Variants in DLG1 observed in about 807,000 individuals in gnomAD.
DLG1 encodes discs large MAGUK scaffold protein 1, also known as disks large homolog 1.
In DLG1, 42 loss-of-function variants were observed where a neutral mutation model predicts 123.4. The ratio of observed to expected loss-of-function variants is 0.34; its 90% confidence interval spans 0.27 to 0.44. The LOEUF (loss-of-function observed/expected upper bound fraction) is 0.44, where lower values mean the gene tolerates loss of function less well. Ranked by LOEUF, DLG1 falls within the 20% of genes least tolerant of loss-of-function variation. The pLI, the probability that DLG1 is intolerant of heterozygous loss-of-function variation, is 1.00. For missense variants in DLG1, 942 were observed against 1,082.6 expected (o/e 0.87, Z 1.82); for synonymous variants, 317 against 356.2 (o/e 0.89, Z 1.24).
At chr3:197,190,861 T>C (rs1172776771) in intron 5 of DLG1, among the ~76,000 whole-genome samples, 3 of 152,042 alleles carry the variant, frequency 2.0e-5, no homozygotes, top group Non-Finnish European at 4.4e-5. Flanking sequence ...ATACAAAATA[T>C]TAGCCAGGCG....
rs189767790 is a variant in DLG1, at chr3:197,271,561, C to T, written c.318+11118G>A. 4.9e-3 allele frequency among the ~76,000 whole-genome samples: 751 copies of T among 152,234 alleles called. 13 individuals carry two copies. The highest frequency in any genetic ancestry group is 3.4e-3 in the Middle Eastern group (1 of 294). On this transcript the variant is annotated intron_variant, in intron 4 of 24. Transcript: ENST00000667157. ...AAAACAGACACCTAACAATCAAATG[C>T]ATAAATGGCATGTGTACTGACACCT...
chr3:197,057,845 C>T (rs554793176), intron 23 of DLG1, among the ~76,000 whole-genome samples: 158 of 152,210 alleles, frequency 1.0e-3, no homozygotes, highest in African/African-American at 3.6e-3. Flanking sequence ...TTGATCACTC[C>T]TAATGGTTTA....
chr3:197,183,182 A>G (rs1037536941), intron 5 of DLG1, among the ~76,000 whole-genome samples: 2 of 152,204 alleles, frequency 1.3e-5, no homozygotes, highest in African/African-American at 4.8e-5. Context: ...TTACTGTAAC[A>G]GTCTCCCTAA....
chr3:197,049,883 C>G (rs930135549), intron 24 of DLG1, among the ~76,000 whole-genome samples: 2 of 151,902 alleles, frequency 1.3e-5, no homozygotes, highest in Non-Finnish European at 2.9e-5. Context: ...GGCAACATAG[C>G]GAGACCCTGT....
chr3:197,098,284 G>C (rs1210361177), intron 14 of DLG1, among the ~76,000 whole-genome samples: 6 of 152,158 alleles, frequency 3.9e-5, no homozygotes, highest in Non-Finnish European at 8.8e-5. Flanking sequence ...CTGATTAATA[G>C]AAGTCCTAGT....
At chr3:197,183,847 T>C in intron 5 of DLG1, 1 of 1,537,858 alleles carries the variant, frequency 6.5e-7, no homozygotes, top group Non-Finnish European at 8.8e-7. Context: ...CAGGCTTACT[T>C]CTCTACCAGC....
chr3:197,186,212 A>G (rs1715881145), intron 5 of DLG1, among the ~76,000 whole-genome samples: 1 of 152,236 alleles, frequency 6.6e-6, no homozygotes, highest in African/African-American at 2.4e-5. Flanking sequence ...GGGGTTTCAC[A>G]TGAGATTAGA....
intron 1 of DLG1, chr3:197,297,689 T>C: frequency 1.0e-6 from 1 of 989,478 alleles, no homozygotes; most frequent in Non-Finnish European, 1.2e-6. Context: ...CCTTGCTCGC[T>C]GCCTCCGGGC....
chr3:197,088,218 G>C (rs976781099), intron 15 of DLG1, among the ~76,000 whole-genome samples: 3 of 151,922 alleles, frequency 2.0e-5, no homozygotes, highest in South Asian at 4.2e-4. Flanking sequence ...GATATTTAAA[G>C]AATGCCTTAT....
intron 23 of DLG1, among the ~76,000 whole-genome samples, chr3:197,056,019 A>C (rs546403816): frequency 7.9e-5 from 12 of 152,338 alleles, no homozygotes; most frequent in Non-Finnish European, 1.6e-4. Flanking sequence ...ACATGGCTAC[A>C]TGCTATGGGA....
At chr3:197,084,316 G>GTT (rs71623334) in intron 16 of DLG1, among the ~76,000 whole-genome samples, 1 of 143,038 alleles carries the variant, frequency 7.0e-6, no homozygotes, top group Non-Finnish European at 1.5e-5. Context: ...ACTTTTTGTT[G>GTT]TTTTTTTTTT....
At chr3:197,115,893 T>A (rs767330777) in intron 13 of DLG1, 34 bp downstream of exon 13, 2 of 1,598,832 alleles carry the variant, frequency 1.3e-6, no homozygotes, top group South Asian at 2.3e-5. Context: ...CCAGTGAAAA[T>A]AACAAAAACG....
chr3:197,283,493 T>A (rs937977869), intron 3 of DLG1, among the ~76,000 whole-genome samples: 1 of 152,190 alleles, frequency 6.6e-6, no homozygotes, highest in Non-Finnish European at 1.5e-5. Context: ...ATGACAAAAC[T>A]CTAAAATAAA....
intron 4 of DLG1, among the ~76,000 whole-genome samples, chr3:197,265,845 C>G (rs1424411395): frequency 1.3e-5 from 2 of 152,124 alleles, no homozygotes; most frequent in Non-Finnish European, 2.9e-5. Context: ...AGGTCAGGAA[C>G]TCAAGACCAG....
At chr3:197,085,436 C>T (rs1046239796) in intron 16 of DLG1, 144 bp downstream of exon 16, 16 of 773,972 alleles carry the variant, frequency 2.1e-5, no homozygotes, top group East Asian at 2.5e-5. Flanking sequence ...TGTGATCATA[C>T]GATTTTTGTC....
intron 14 of DLG1, among the ~76,000 whole-genome samples, chr3:197,097,379 G>C (rs1370903459): frequency 6.6e-6 from 1 of 152,114 alleles, no homozygotes; most frequent in South Asian, 2.1e-4. Context: ...TTGCACAGAT[G>C]CTGATATCAG....
chr3:197,067,848 C>T (rs1018845732), intron 19 of DLG1, among the ~76,000 whole-genome samples: 26 of 152,204 alleles, frequency 1.7e-4, no homozygotes, highest in East Asian at 5.8e-4. Flanking sequence ...TGAGCCGCCG[C>T]GCCCGGCCAA....
At chr3:197,111,065 TCTA>T (rs1251422919) in intron 13 of DLG1, among the ~76,000 whole-genome samples, 1 of 152,202 alleles carries the variant, frequency 6.6e-6, no homozygotes, top group Non-Finnish European at 1.5e-5. Flanking sequence ...TATTGATCGG[TCTA>T]CTATTTCCTA....
intron 14 of DLG1, among the ~76,000 whole-genome samples, chr3:197,100,071 C>T (rs545260086): frequency 6.6e-6 from 1 of 152,234 alleles, no homozygotes; most frequent in East Asian, 1.9e-4. Context: ...GGGTCAACTG[C>T]AGCACAGGCG....
Sources: allele counts gnomAD v4.1 joint callset (sites outside exome capture counted in the v4.1 genomes callset), GRCh38; gene constraint gnomAD v4.1.1; transcripts MANE v1.5; gene names NCBI Gene and HGNC (gene_info 2026-07-23, HGNC 2026-07-21).